Variants in ZBTB5 observed in about 807,000 individuals in gnomAD.
ZBTB5 encodes zinc finger and BTB domain-containing protein 5.
In ZBTB5, 15 loss-of-function variants were observed where a neutral mutation model predicts 37.9. That is an observed-to-expected ratio of 0.40 (90% confidence interval 0.26 to 0.61). ZBTB5 has a LOEUF of 0.61. ZBTB5 is among the 20% of genes least tolerant of loss of function. The pLI is 0.47. For missense variants in ZBTB5, 708 were observed against 856.8 expected, an observed-to-expected ratio of 0.83 and a Z score of 2.17; for synonymous variants, 315 against 312.4, an observed-to-expected ratio of 1.01 and a Z score of -0.09.
rs72739646 is a variant in ZBTB5, at chr9:37,438,245, C to A, written c.*2273G>T. On this transcript the variant is annotated 3_prime_UTR_variant, in exon 2 of 2. Coordinates refer to ENST00000307750, the MANE Select transcript of ZBTB5 (RefSeq NM_014872.3). ...CCAGAAAAGATTCTACATGATCACG[C>A]CAGACTATAATTAAGGCTAACCAAT... 6.6e-6 allele frequency: 1 copy of A among 152,670 alleles called. No individual in the cohort carries two copies. The highest frequency in any genetic ancestry group is 1.5e-5 in the Non-Finnish European group (1 of 68,012). 9.5% of individuals were successfully genotyped at this position (152,670 alleles called of 1,614,324 possible).
At chr9:37,450,802 T>A (rs1412987075) in intron 1 of ZBTB5, among the ~76,000 whole-genome samples, 3 of 150,980 alleles carry the variant, frequency 2.0e-5, no homozygotes, top group African/African-American at 7.3e-5. Flanking sequence ...GAGGCGGAGG[T>A]TGCAGTGAGC....
chr9:37,462,891 C>T (rs967312365), intron 1 of ZBTB5, among the ~76,000 whole-genome samples: 1 of 151,982 alleles, frequency 6.6e-6, no homozygotes, highest in African/African-American at 2.4e-5. Context: ...GCATCAGAAA[C>T]CAATCAGCAC....
intron 1 of ZBTB5, among the ~76,000 whole-genome samples, chr9:37,452,614 G>A (rs1824123692): frequency 2.6e-5 from 4 of 152,152 alleles, no homozygotes; most frequent in Admixed American, 2.6e-4. Flanking sequence ...TGGGAGTAAG[G>A]AGCAGGAGAA....
At chr9:37,455,746 T>G (rs1824175243) in intron 1 of ZBTB5, among the ~76,000 whole-genome samples, 1 of 152,198 alleles carries the variant, frequency 6.6e-6, no homozygotes, top group South Asian at 2.1e-4. Flanking sequence ...GAAAAATAAC[T>G]AGACAGAACA....
intron 1 of ZBTB5, among the ~76,000 whole-genome samples, chr9:37,456,625 T>C (rs1024314669): frequency 6.6e-6 from 1 of 152,218 alleles, no homozygotes; most frequent in African/African-American, 2.4e-5. Flanking sequence ...TAGGGATGAA[T>C]TGACCTAGAG....
chr9:37,458,960 A>G (rs1290623603), intron 1 of ZBTB5, among the ~76,000 whole-genome samples: 2 of 152,374 alleles, frequency 1.3e-5, no homozygotes, highest in East Asian at 3.9e-4. Flanking sequence ...TTGGTACAGT[A>G]TCAGAGTAAG....
rs1823819612 is a variant in ZBTB5 at position 37,439,702 on chromosome 9, A to T, written c.*816T>A. Reference sequence around the variant, plus strand: ...ACTCCACATCAGCAGAACAAAGACAAACACAAGTCTTTTCTGACTTCCTAA... The same window carrying T: ...ACTCCACATCAGCAGAACAAAGACATACACAAGTCTTTTCTGACTTCCTAA... On this transcript the variant is annotated 3_prime_UTR_variant, in exon 2 of 2. Transcript: ENST00000307750. The T allele has an allele frequency of 6.6e-6, 1 of 152,228 alleles. No individual in the cohort carries two copies. The highest frequency in any genetic ancestry group is 6.5e-5 in the Admixed American group (1 of 15,282). The allele number at this position is 152,228 out of a possible 1,614,324, so 9.4% of individuals were successfully genotyped here.
chr9:37,455,134 T>C (rs1228092005), intron 1 of ZBTB5, among the ~76,000 whole-genome samples: 4 of 152,110 alleles, frequency 2.6e-5, no homozygotes, highest in Non-Finnish European at 4.4e-5. Context: ...TGTACACATA[T>C]AAACCCCAAA....
intron 1 of ZBTB5, among the ~76,000 whole-genome samples, chr9:37,449,934 A>G (rs1317664329): frequency 6.6e-6 from 1 of 152,054 alleles, no homozygotes; most frequent in East Asian, 1.9e-4. Context: ...TTTTTCAGCA[A>G]TGTGTACGGT....
chr9:37,461,250 C>T (rs1027488000), intron 1 of ZBTB5, among the ~76,000 whole-genome samples: 3 of 152,060 alleles, frequency 2.0e-5, no homozygotes, highest in Non-Finnish European at 1.5e-5. Flanking sequence ...AAATCCTCTT[C>T]GCAAAAAAGA....
chr9:37,460,033 A>G (rs1824262009), intron 1 of ZBTB5, among the ~76,000 whole-genome samples: 1 of 144,654 alleles, frequency 6.9e-6, no homozygotes, highest in South Asian at 2.1e-4. Flanking sequence ...TTTAGTAAAG[A>G]CTGGGTTTCA....
At chr9:37,447,907 A>C (rs994483207) in intron 1 of ZBTB5, among the ~76,000 whole-genome samples, 3 of 151,814 alleles carry the variant, frequency 2.0e-5, no homozygotes, top group African/African-American at 4.8e-5. Flanking sequence ...TGTAATTCCC[A>C]GTACTTTGGA....
intron 1 of ZBTB5, among the ~76,000 whole-genome samples, chr9:37,448,557 TGAAA>T (rs1051141376): frequency 6.6e-6 from 1 of 152,058 alleles, no homozygotes; most frequent in South Asian, 2.1e-4. Flanking sequence ...TTCCTGGAAA[TGAAA>T]GAAAGAACCA....
chr9:37,459,062 A>G (rs761783069), intron 1 of ZBTB5, among the ~76,000 whole-genome samples: 5 of 152,238 alleles, frequency 3.3e-5, no homozygotes, highest in Non-Finnish European at 7.3e-5. Context: ...GTATATTTTA[A>G]TCAAAATAGT....
Position 37,441,897 on chromosome 9 carries a change from G to A in ZBTB5, c.655C>T (p.Pro219Ser). The A allele has an allele frequency of 1.2e-6, 2 of 1,614,164 alleles. No individual in the cohort carries two copies. Among genetic ancestry groups the A allele is most frequent in the Non-Finnish European group, 1.7e-6 (2 of 1,180,038 alleles). Residue 219 changes from proline (P) to serine (S), a missense_variant, in exon 2 of 2, where the codon CCG becomes TCG. This residue lies in a region of ZBTB5 where 639 missense variants were observed against 690.5 expected (regional missense o/e 0.93). Coordinates refer to ENST00000307750, the MANE Select transcript of ZBTB5 (RefSeq NM_014872.3). Reference sequence around the variant, plus strand: ...TGAACCCCTGAAGGCCCATTCTCCGGTGTAACATCTGAAATGGCAGACTCA... The same window carrying A: ...TGAACCCCTGAAGGCCCATTCTCCGATGTAACATCTGAAATGGCAGACTCA... ...IDESAISDVT[P>S]ENGPSGVHSR...
chr9:37,442,652 C>T (rs1823907649), intron 1 of ZBTB5, 97 bp from the exon 2 acceptor site: 3 of 1,002,302 alleles, frequency 3.0e-6, no homozygotes, highest in African/African-American at 3.3e-5. Context: ...GATGGCCAAG[C>T]TTGGACCTTT....
chr9:37,441,271 A>G lies in ZBTB5; in HGVS notation c.1281T>C (p.Asn427=). Residue 427 remains asparagine (N), a synonymous_variant, in exon 2 of 2, where the codon AAT becomes AAC. Transcript: ENST00000307750. ...RGNNFTANQN[N]DDNIPNTTSD... ...TAGTGGTGTTTGGAATATTATCATC[A>G]TTGTTCTGATTTGCAGTAAAGTTAT... 1 of 1,613,102 alleles carries G rather than the reference A, an allele frequency of 6.2e-7. No homozygotes were observed. The highest frequency in any genetic ancestry group is 8.5e-7 in the Non-Finnish European group (1 of 1,180,024).
At chr9:37,447,808 T>C (rs1235032730) in intron 1 of ZBTB5, among the ~76,000 whole-genome samples, 1 of 117,636 alleles carries the variant, frequency 8.5e-6, no homozygotes, top group African/African-American at 2.7e-5. Context: ...TCAATGCTTC[T>C]TTTTTTTTTT....
intron 1 of ZBTB5, among the ~76,000 whole-genome samples, chr9:37,451,473 G>A (rs1357643567): frequency 2.7e-5 from 4 of 147,916 alleles, no homozygotes; most frequent in South Asian, 2.1e-4. Context: ...CACAACAATC[G>A]CTTGAACCTG....
Sources: allele counts gnomAD v4.1 joint callset (sites outside exome capture counted in the v4.1 genomes callset), GRCh38; gene constraint gnomAD v4.1.1; regional missense constraint gnomAD v4.1.1; transcripts MANE v1.5; gene names NCBI Gene and HGNC (gene_info 2026-07-23, HGNC 2026-07-21).